ENPP1: variants seen among roughly 807,000 people sequenced by gnomAD.
ENPP1 encodes the protein ectonucleotide pyrophosphatase/phosphodiesterase 1.
ENPP1 carries 73 observed loss-of-function variants against 122.8 expected under a neutral mutation model. The observed-to-expected ratio is 0.59, with a 90% CI of 0.49 to 0.72. The LOEUF (loss-of-function observed/expected upper bound fraction) is 0.72. Ranked by LOEUF, ENPP1 falls within the 30% of genes least tolerant of loss-of-function variation. ENPP1 has a pLI of 0.00. For synonymous variants in ENPP1, 367 were observed against 391.6 expected, an observed-to-expected ratio of 0.94 and a Z score of 0.74; for missense variants, 978 against 1,128.1, an observed-to-expected ratio of 0.87 and a Z score of 1.91.
At position 131,868,024 on chromosome 6, in the gene ENPP1, A is replaced by C; in HGVS notation, c.1171A>C (p.Lys391Gln). The C allele has an allele frequency of 1.2e-6, 2 of 1,612,560 alleles. No individual in the cohort carries two copies. The change falls in exon 12 of 25, where the codon AAA becomes CAA. Residue 391 changes from lysine (K) to glutamine (Q), a missense_variant. Physicochemically the swap from Lys to Gln is moderately conservative, Grantham distance 53. Transcript: ENST00000647893. ...SYGPVSSEVI[K>Q]ALQRVDGMVG... ...TGTTGCTTCCCATTCTTAGGTCATC[A>C]AAGCCTTGCAGAGGGTTGATGGTAT...
chr6:131,847,451 A>G (rs892777058), intron 1 of ENPP1, among the ~76,000 whole-genome samples: 3 of 152,232 alleles, frequency 2.0e-5, no homozygotes, highest in African/African-American at 7.2e-5. Flanking sequence ...AAGTGAACAC[A>G]TCTACGTGAC....
At chr6:131,884,539 A>G (rs543109623) in intron 22 of ENPP1, among the ~76,000 whole-genome samples, 1 of 152,246 alleles carries the variant, frequency 6.6e-6, no homozygotes, top group South Asian at 2.1e-4. Flanking sequence ...GGGGAGTCCA[A>G]CTCAGAAGGA....
At chr6:131,858,384 G>C (rs1038849203) in intron 6 of ENPP1, among the ~76,000 whole-genome samples, 2 of 152,154 alleles carry the variant, frequency 1.3e-5, no homozygotes, top group African/African-American at 4.8e-5. Flanking sequence ...GAACTTACAA[G>C]CATCATTTTA....
chr6:131,851,055 C>A, intron 3 of ENPP1, 87 bp from the exon 4 acceptor site: 4 of 1,452,322 alleles, frequency 2.8e-6, no homozygotes, highest in Non-Finnish European at 3.9e-6. Context: ...GCTCATGGAT[C>A]ATACTCAGGA....
rs550495051 is a variant in ENPP1 at position 131,855,142 on chromosome 6, G to A, written c.715+119G>A. On this transcript the variant is annotated intron_variant, in intron 6 of 24. Coordinates refer to ENST00000647893, the MANE Select transcript of ENPP1 (RefSeq NM_006208.3). ...AACTGTTTCACTAAACTTTTCTATG[G>A]CAAAGTAGTTGAACCTTGTGTAAGG... The A allele has an allele frequency of 2.3e-4, 176 of 773,326 alleles. 1 individual carries two copies. The highest frequency in any genetic ancestry group is 2.3e-3 in the South Asian group (158 of 69,964). The allele number at this position is 773,326 out of a possible 1,614,324, so 47.9% of individuals were successfully genotyped here.
chr6:131,808,669 A>G (rs550006088), intron 1 of ENPP1, among the ~76,000 whole-genome samples: 2 of 152,222 alleles, frequency 1.3e-5, no homozygotes, highest in South Asian at 4.1e-4. Flanking sequence ...CTCTGGGCGC[A>G]GTATACATGA....
intron 12 of ENPP1, among the ~76,000 whole-genome samples, chr6:131,868,433 C>T (rs1782117455): frequency 6.6e-6 from 1 of 151,998 alleles, no homozygotes; most frequent in Non-Finnish European, 1.5e-5. Flanking sequence ...ATTATAGCTT[C>T]AATTTCCTTT....
Position 131,855,007 on chromosome 6 carries a change from T to G in ENPP1, c.699T>G (p.Pro233=). The change falls in exon 6 of 25, where the codon CCT becomes CCG. Residue 233 remains proline, a synonymous_variant. Coordinates refer to ENST00000647893, the MANE Select transcript of ENPP1 (RefSeq NM_006208.3). Reference sequence around the variant, plus strand: ...TACACACTTGGGGTGGACTTCTTCCTGTTATTAGCAAACTAAGTGAGTAAC... The same window carrying G: ...TACACACTTGGGGTGGACTTCTTCCGGTTATTAGCAAACTAAGTGAGTAAC... ...EYLHTWGGLL[P]VISKLKKCGT... 1 of 1,608,658 alleles carries G rather than the reference T, an allele frequency of 6.2e-7. No individual in the cohort carries two copies. Among genetic ancestry groups the G allele is most frequent in the Non-Finnish European group, 8.5e-7 (1 of 1,175,042 alleles).
At chr6:131,829,602 A>C (rs1585798927) in intron 1 of ENPP1, among the ~76,000 whole-genome samples, 1 of 152,342 alleles carries the variant, frequency 6.6e-6, no homozygotes, top group East Asian at 1.9e-4. Flanking sequence ...CAAAGCTCAT[A>C]CTCAGTAACT....
At position 131,886,623 on chromosome 6, in the gene ENPP1, A is replaced by T. The variant is rs1782381132; in HGVS notation, c.2506A>T (p.Thr836Ser). 1 of 1,613,854 alleles carries T rather than the reference A, an allele frequency of 6.2e-7. No homozygotes were observed. Among genetic ancestry groups the T allele is most frequent in the Non-Finnish European group, 8.5e-7 (1 of 1,179,842 alleles). ...TCCAACTCACTTCTTTATTGTGCTA[A>T]CAAGCTGTAAAGATACATCTCAGAC... ...LIPTHFFIVL[T>S]SCKDTSQTPL... is the part of the protein sequence containing the mutation. Residue 836 changes from threonine to serine, a missense_variant, in exon 24 of 25, where the codon ACA (threonine) becomes TCA (serine). Thr to Ser is a moderately conservative substitution (Grantham distance 58). Around this residue, in one of 3 missense-constraint regions of ENPP1, gnomAD observed 644 missense variants for 781.5 expected, o/e 0.82. Transcript: ENST00000647893.
At chr6:131,834,130 A>G (rs1781645489) in intron 1 of ENPP1, among the ~76,000 whole-genome samples, 1 of 152,188 alleles carries the variant, frequency 6.6e-6, no homozygotes, top group Non-Finnish European at 1.5e-5. Context: ...TTATTCTTTG[A>G]CCTTTAACTT....
At chr6:131,858,148 G>A (rs941659689) in intron 6 of ENPP1, among the ~76,000 whole-genome samples, 4 of 152,130 alleles carry the variant, frequency 2.6e-5, no homozygotes, top group Admixed American at 2.6e-4. Context: ...GATCAGCAGG[G>A]CATCAGGAAT....
At chr6:131,837,711 A>G (rs1781694635) in intron 1 of ENPP1, among the ~76,000 whole-genome samples, 1 of 152,088 alleles carries the variant, frequency 6.6e-6, no homozygotes, top group Admixed American at 6.5e-5. Context: ...TGTTAATGAG[A>G]TAATAAATAT....
At chr6:131,856,966 G>A (rs1407732748) in intron 6 of ENPP1, among the ~76,000 whole-genome samples, 10 of 152,076 alleles carry the variant, frequency 6.6e-5, no homozygotes, top group South Asian at 2.1e-4. Flanking sequence ...TTGACTTGGC[G>A]ATGCGGGCTC....
intron 5 of ENPP1, 137 bp from the exon 6 acceptor site, chr6:131,854,789 T>C (rs1585818282): frequency 2.9e-6 from 2 of 689,378 alleles, no homozygotes; most frequent in East Asian, 5.3e-5. Flanking sequence ...GCCGACTTTG[T>C]TAGTTAGTTT....
intron 4 of ENPP1, 111 bp downstream of exon 4, chr6:131,851,378 T>C: frequency 3.0e-6 from 4 of 1,352,734 alleles, no homozygotes; most frequent in Non-Finnish European, 4.1e-6. Flanking sequence ...GCCAACTATA[T>C]TAGCTGAAAA....
chr6:131,854,370 G>A (rs62424477), intron 5 of ENPP1, among the ~76,000 whole-genome samples: 3,490 of 152,088 alleles, frequency 0.023, 49 homozygotes, highest in Non-Finnish European at 0.029. Context: ...CTGTGATAGC[G>A]CCACTGCACG....
chr6:131,876,184 G>GA (rs910972016), intron 17 of ENPP1, among the ~76,000 whole-genome samples: 7 of 152,184 alleles, frequency 4.6e-5, no homozygotes, highest in Admixed American at 2.0e-4. Context: ...ATAGAAGCCA[G>GA]AAAAAGGAGA....
chr6:131,831,445 T>G (rs1272378911), intron 1 of ENPP1, among the ~76,000 whole-genome samples: 1 of 152,172 alleles, frequency 6.6e-6, no homozygotes, highest in African/African-American at 2.4e-5. Flanking sequence ...GTTTTTTCCC[T>G]AATGTCTTTT....
Sources: gnomAD v4.1 joint callset for allele counts (sites outside exome capture counted in the v4.1 genomes callset) on GRCh38, gnomAD v4.1.1 for gene constraint, gnomAD v4.1.1 regional missense constraint, MANE v1.5 for transcripts, NCBI Gene and HGNC (gene_info 2026-07-23, HGNC 2026-07-21) for gene names.